Variants in SIDT1 observed in about 807,000 individuals in gnomAD.
SIDT1 encodes the protein SID1 transmembrane family member 1, also known as SID1 transmembrane family, member 1.
A neutral mutation model predicts 107.5 loss-of-function variants in SIDT1; 101 were observed. The observed-to-expected ratio is 0.94, with a 90% CI of 0.80 to 1.11. The LOEUF (loss-of-function observed/expected upper bound fraction) is 1.11, where lower values mean the gene tolerates loss of function less well. Ranked by LOEUF, SIDT1 falls within the 50% of genes least tolerant of loss-of-function variation. SIDT1 has a pLI of 0.00. For synonymous variants in SIDT1, 395 were observed against 398.2 expected, an observed-to-expected ratio of 0.99 and a Z score of 0.10; for missense variants, 1,076 against 1,058.2, an observed-to-expected ratio of 1.02 and a Z score of -0.23.
chr3:113,543,356 T>C (rs1939166963), intron 1 of SIDT1, among the ~76,000 whole-genome samples: 3 of 152,198 alleles, frequency 2.0e-5, no homozygotes, highest in Admixed American at 6.5e-5. Flanking sequence ...TCCTCAGTTT[T>C]AATTGCCGTT....
chr3:113,560,335 T>C (rs1014301354), intron 1 of SIDT1, among the ~76,000 whole-genome samples: 6 of 152,252 alleles, frequency 3.9e-5, no homozygotes, highest in African/African-American at 1.4e-4. Context: ...GCTACCATCA[T>C]ACTCATCACA....
At chr3:113,542,445 G>A (rs910192404) in intron 1 of SIDT1, among the ~76,000 whole-genome samples, 1 of 151,914 alleles carries the variant, frequency 6.6e-6, no homozygotes, top group Non-Finnish European at 1.5e-5. Context: ...TATGCTGTCT[G>A]AATTTAAAGT....
At chr3:113,614,736 C>A (rs972798436) in intron 19 of SIDT1, among the ~76,000 whole-genome samples, 3 of 152,130 alleles carry the variant, frequency 2.0e-5, no homozygotes, top group African/African-American at 7.2e-5. Context: ...TACTGTGTCC[C>A]CCAGTCCCAG....
chr3:113,567,665 C>T lies in SIDT1; in HGVS notation c.470C>T (p.Ala157Val), dbSNP rs1325278751. The change falls in exon 3 of 25, where the codon GCT becomes GTT. Residue 157 changes from alanine (A) to valine (V), a missense_variant. Ala to Val is a moderately conservative substitution (Grantham distance 64). Coordinates refer to ENST00000264852, the MANE Select transcript of SIDT1 (RefSeq NM_017699.3). ...GTCGCATCCATGGCACCCCTGGGTG[C>T]TCAGTACAAACTGCTAGTTACCAAG... ...VDVASMAPLG[A>V]QYKLLVTKLK... 6.2e-7 allele frequency: 1 copy of T among 1,614,162 alleles called. No individual in the cohort carries two copies. The highest frequency in any genetic ancestry group is 1.1e-5 in the South Asian group (1 of 91,078).
intron 17 of SIDT1, among the ~76,000 whole-genome samples, chr3:113,609,058 C>CTTTTTTTTTTTTTTTTTTTT (rs11453487): frequency 1.2e-5 from 1 of 86,680 alleles, no homozygotes; most frequent in African/African-American, 4.3e-5. Context: ...TGAGCCCATT[C>CTTTTTTTTTTTTTTTTTTTT]TTTTTTTTTT....
intron 21 of SIDT1, 51 bp from the exon 22 acceptor site, chr3:113,623,376 A>G (rs751610723): frequency 8.3e-7 from 1 of 1,199,644 alleles, no homozygotes; most frequent in South Asian, 1.2e-5. Context: ...AAAAGCCAAT[A>G]GTGTTACAAA....
At chr3:113,624,734 C>G (rs1371641293) in intron 23 of SIDT1, among the ~76,000 whole-genome samples, 2 of 152,130 alleles carry the variant, frequency 1.3e-5, no homozygotes, top group Non-Finnish European at 2.9e-5. Context: ...AAACTATTCT[C>G]TGTCTTCACG....
intron 10 of SIDT1, among the ~76,000 whole-genome samples, chr3:113,597,228 G>A (rs989942028): frequency 1.3e-5 from 2 of 152,242 alleles, no homozygotes; most frequent in African/African-American, 4.8e-5. Flanking sequence ...TGGGCACGAT[G>A]GCTCACACCT....
At chr3:113,564,652 A>C (rs1941736237) in intron 1 of SIDT1, among the ~76,000 whole-genome samples, 1 of 152,246 alleles carries the variant, frequency 6.6e-6, no homozygotes, top group South Asian at 2.1e-4. Context: ...TCAGGCTTAC[A>C]TGAATGGCTG....
intron 1 of SIDT1, among the ~76,000 whole-genome samples, chr3:113,561,784 A>C (rs938774822): frequency 6.6e-6 from 1 of 152,244 alleles, no homozygotes; most frequent in Non-Finnish European, 1.5e-5. Flanking sequence ...GCTAAAAAGC[A>C]CACTAAAATT....
At chr3:113,562,560 C>T (rs965963036) in intron 1 of SIDT1, among the ~76,000 whole-genome samples, 1 of 152,214 alleles carries the variant, frequency 6.6e-6, no homozygotes, top group Non-Finnish European at 1.5e-5. Flanking sequence ...AGTACTGATA[C>T]ATGCTACAAC....
chr3:113,604,104 C>T, intron 13 of SIDT1, 71 bp downstream of exon 13: 3 of 1,089,106 alleles, frequency 2.8e-6, no homozygotes, highest in Non-Finnish European at 1.3e-6. Flanking sequence ...GCCACAACCA[C>T]TTAGGCACAA....
intron 1 of SIDT1, among the ~76,000 whole-genome samples, chr3:113,540,748 AG>A (rs1411602721): frequency 6.6e-6 from 1 of 152,154 alleles, no homozygotes; most frequent in Non-Finnish European, 1.5e-5. Context: ...AAAATTTATA[AG>A]GTATAAAATA....
At chr3:113,558,755 G>A (rs1941140358) in intron 1 of SIDT1, among the ~76,000 whole-genome samples, 1 of 152,192 alleles carries the variant, frequency 6.6e-6, no homozygotes, top group South Asian at 2.1e-4. Flanking sequence ...GGAGACTTGT[G>A]TCTTCTCCCA....
chr3:113,564,273 G>T (rs1236316181), intron 1 of SIDT1, among the ~76,000 whole-genome samples: 2 of 152,224 alleles, frequency 1.3e-5, no homozygotes, highest in Admixed American at 6.5e-5. Context: ...AGTGGTGGGG[G>T]TGTATGGGAA....
rs1946962831 is a variant in SIDT1, at chr3:113,627,969, G to A, written c.*261G>A. ...GCTCCTTCCATCTGCAGCTTTGGGAGTGCAACAGGGATAGGCACTGCATCC... is the reference window on the plus strand; with the variant it reads ...GCTCCTTCCATCTGCAGCTTTGGGAATGCAACAGGGATAGGCACTGCATCC... On this transcript the variant is annotated 3_prime_UTR_variant, in exon 25 of 25. Coordinates refer to ENST00000264852, the MANE Select transcript of SIDT1 (RefSeq NM_017699.3). The A allele has an allele frequency of 8.0e-6, 4 of 498,230 alleles. No homozygotes were observed. The East Asian group carries it at 1.1e-4, about 13-fold the overall frequency. The allele number at this position is 498,230 out of a possible 1,614,324, so 30.9% of individuals were successfully genotyped here. A position where few individuals can be genotyped will look rare whatever the true frequency, so the allele number is the denominator to read the frequency against.
intron 3 of SIDT1, among the ~76,000 whole-genome samples, chr3:113,571,486 GCACACA>G (rs60256247): frequency 6.7e-6 from 1 of 148,852 alleles, no homozygotes; most frequent in South Asian, 2.1e-4. Flanking sequence ...CCTATCCTCT[GCACACA>G]CACACACACA....
intron 10 of SIDT1, among the ~76,000 whole-genome samples, chr3:113,593,914 A>C (rs1423254511): frequency 6.6e-6 from 1 of 152,228 alleles, no homozygotes; most frequent in African/African-American, 2.4e-5. Flanking sequence ...TGAACAAAAG[A>C]ATTCAATGAC....
intron 9 of SIDT1, among the ~76,000 whole-genome samples, chr3:113,590,660 A>G (rs1944081051): frequency 6.6e-6 from 1 of 152,254 alleles, no homozygotes; most frequent in African/African-American, 2.4e-5. Context: ...GTATTTCTCT[A>G]CACTAGCAAT....
Sources: allele counts gnomAD v4.1 joint callset (sites outside exome capture counted in the v4.1 genomes callset), GRCh38; gene constraint gnomAD v4.1.1; transcripts MANE v1.5; gene names NCBI Gene and HGNC (gene_info 2026-07-23, HGNC 2026-07-21).